Variants in SGCD observed in about 807,000 individuals in gnomAD.
SGCD encodes the protein sarcoglycan delta.
Under a neutral mutation model 36.6 loss-of-function variants are expected in SGCD, and 18 were observed. The ratio of observed to expected loss-of-function variants is 0.49; its 90% CI spans 0.34 to 0.73. The LOEUF (loss-of-function observed/expected upper bound fraction) is 0.73, where lower values mean the gene tolerates loss of function less well. Ranked by LOEUF, SGCD falls within the 30% of genes least tolerant of loss-of-function variation. The pLI, the probability that SGCD is intolerant of heterozygous loss-of-function variation, is 0.01. For missense variants in SGCD, 387 were observed against 346.7 expected, an observed-to-expected ratio of 1.12 and a Z score of -0.92; for synonymous variants, 133 against 130.6, an observed-to-expected ratio of 1.02 and a Z score of -0.12.
intron 1 of SGCD, among the ~76,000 whole-genome samples, chr5:155,956,328 G>T (rs577076735): frequency 6.6e-6 from 1 of 151,986 alleles, no homozygotes; most frequent in African/African-American, 2.4e-5. Context: ...GAAGTTAGGA[G>T]CATTTGTGAC....
chr5:156,384,331 C>T (rs1014934242), intron 3 of SGCD, among the ~76,000 whole-genome samples: 17 of 152,202 alleles, frequency 1.1e-4, no homozygotes, highest in South Asian at 2.1e-4. Context: ...TTCTTTCCTT[C>T]TTTGATTGCC....
intron 3 of SGCD, among the ~76,000 whole-genome samples, chr5:156,409,016 C>T (rs1302401279): frequency 1.3e-5 from 2 of 152,152 alleles, no homozygotes; most frequent in Non-Finnish European, 2.9e-5. Flanking sequence ...AAGACAAAAA[C>T]TAAACAGTAA....
Position 156,342,630 on chromosome 5 carries a change from T to C in SGCD, c.4-1859T>C, listed in dbSNP as rs545768587. Among the ~76,000 whole-genome samples, 25 of 152,358 alleles carry C rather than the reference T, an allele frequency of 1.6e-4. No individual in the cohort carries two copies. In the South Asian group the frequency reaches 5.2e-3, roughly 32 times the overall value. On this transcript the variant is annotated intron_variant, in intron 2 of 8. Coordinates refer to ENST00000337851, the MANE Select transcript of SGCD (RefSeq NM_000337.6). ...ACTTTGTTGTGTTCCCGTCTTCTTA[T>C]AACACATCCCTGATCTGCAGAGGAA... is the stretch of plus-strand genomic sequence containing the variant.
intron 7 of SGCD, among the ~76,000 whole-genome samples, chr5:156,745,576 G>C (rs1447987624): frequency 6.6e-6 from 1 of 152,194 alleles, no homozygotes; most frequent in Non-Finnish European, 1.5e-5. Flanking sequence ...AAGGCACCAT[G>C]AGCAAGAGAG....
In SGCD at chr5:156,241,664, AT is replaced by A. The variant is rs1765311138; in HGVS notation, c.-43-87868del. Among the ~76,000 whole-genome samples the A allele has an allele frequency of 3.3e-5, 5 of 152,252 alleles. No homozygotes were observed. The South Asian group carries it at 8.3e-4, about 25-fold the overall frequency. On this transcript the variant is annotated intron_variant, in intron 3 of 9. Coordinates refer to the SGCD transcript ENST00000517913. ...TCATCTGAGGACTTAACATTCAACAATTGCTAGATTAGGAAATATCCAATTT... is the reference window on the plus strand; with the variant it reads ...TCATCTGAGGACTTAACATTCAACAATGCTAGATTAGGAAATATCCAATTT...
intron 7 of SGCD, among the ~76,000 whole-genome samples, chr5:156,686,044 A>C (rs1753893106): frequency 6.6e-6 from 1 of 152,202 alleles, no homozygotes; most frequent in African/African-American, 2.4e-5. Context: ...TTTTTAAAAA[A>C]CACTTTTGAA....
intron 1 of SGCD, among the ~76,000 whole-genome samples, chr5:156,060,594 T>G (rs975730889): frequency 2.7e-5 from 4 of 145,726 alleles, no homozygotes; most frequent in East Asian, 3.9e-4. Flanking sequence ...CCAAAGAAAT[T>G]TATGTACCTT....
the SGCD span, among the ~76,000 whole-genome samples, chr5:155,752,686 A>T: frequency 6.6e-6 from 1 of 152,180 alleles, no homozygotes; most frequent in African/African-American, 2.4e-5. Flanking sequence ...ATCAGTATTT[A>T]TCTTATAGAA....
chr5:156,037,494 C>T (rs10042735), intron 1 of SGCD, among the ~76,000 whole-genome samples: 786 of 152,302 alleles, frequency 5.2e-3, no homozygotes, highest in Non-Finnish European at 7.0e-3. Context: ...TGTAAGCAGG[C>T]AATTTGGCCT....
chr5:155,767,448 C>T, the SGCD span, among the ~76,000 whole-genome samples: 1 of 152,192 alleles, frequency 6.6e-6, no homozygotes, highest in African/African-American at 2.4e-5. Flanking sequence ...AAACAAACTA[C>T]ATTTTCTGCT....
At position 156,765,885 on chromosome 5, in the gene SGCD, T is replaced by A. The variant is rs1402430507; in HGVS notation, c.*6495T>A. The stretch of plus-strand genomic sequence containing the variant: ...GTAGATGAAGCTATAGAACTTCTAT[T>A]TTCCCTGCTTTCTGTAGTCTCTCAC... On this transcript the variant is annotated 3_prime_UTR_variant, in exon 9 of 9. Coordinates refer to ENST00000337851, the MANE Select transcript of SGCD (RefSeq NM_000337.6). 1.3e-5 allele frequency: 2 copies of A among 152,212 alleles called. No homozygotes were observed. The highest frequency in any genetic ancestry group is 2.9e-5 in the Non-Finnish European group (2 of 68,024). 9.4% of individuals were successfully genotyped at this position (152,212 alleles called of 1,614,324 possible). A position where few individuals can be genotyped will look rare whatever the true frequency, so the allele number is the denominator to read the frequency against.
At chr5:156,330,312 C>T (rs949361745) in intron 2 of SGCD, among the ~76,000 whole-genome samples, 1 of 152,138 alleles carries the variant, frequency 6.6e-6, no homozygotes, top group Non-Finnish European at 1.5e-5. Flanking sequence ...TAAGCCACGT[C>T]TGACGAACGT....
At chr5:156,660,661 TTAA>T (rs1324308038) in intron 7 of SGCD, among the ~76,000 whole-genome samples, 11 of 139,612 alleles carry the variant, frequency 7.9e-5, no homozygotes, top group African/African-American at 2.8e-4. Context: ...TTTAAAAAAT[TTAA>T]AGTATAGAGT....
chr5:156,498,443 C>T (rs1021937976), intron 3 of SGCD, among the ~76,000 whole-genome samples: 14 of 152,176 alleles, frequency 9.2e-5, no homozygotes, highest in Admixed American at 2.6e-4. Context: ...TAGTCTTCTC[C>T]GCCCTAGACA....
chr5:156,529,508 T>G (rs1353538260), intron 4 of SGCD, among the ~76,000 whole-genome samples: 1 of 150,896 alleles, frequency 6.6e-6, no homozygotes, highest in Non-Finnish European at 1.5e-5. Flanking sequence ...CCTATGTTGT[T>G]GGCAAAAAAA....
chr5:155,844,078 C>G, the SGCD span, among the ~76,000 whole-genome samples: 2 of 150,832 alleles, frequency 1.3e-5, no homozygotes. Context: ...CATTTATTTA[C>G]TTCAAAATTT....
chr5:155,853,993 A>G, the SGCD span, among the ~76,000 whole-genome samples: 1 of 152,204 alleles, frequency 6.6e-6, no homozygotes, highest in African/African-American at 2.4e-5. Context: ...AGCCTTCTTC[A>G]TGTACACTTC....
intron 3 of SGCD, among the ~76,000 whole-genome samples, chr5:156,132,750 G>A (rs1223150810): frequency 8.6e-5 from 13 of 151,946 alleles, no homozygotes; most frequent in African/African-American, 3.1e-4. Context: ...TTACAGGCGT[G>A]AGCCACCGCG....
the SGCD span, among the ~76,000 whole-genome samples, chr5:155,826,787 C>A: frequency 6.6e-6 from 1 of 152,246 alleles, no homozygotes; most frequent in African/African-American, 2.4e-5. Flanking sequence ...TTGCTGTTAC[C>A]ATTCCTGGTG....
Sources: gnomAD v4.1 joint callset for allele counts (sites outside exome capture counted in the v4.1 genomes callset) on GRCh38, gnomAD v4.1.1 for gene constraint, MANE v1.5 for transcripts, NCBI Gene and HGNC (gene_info 2026-07-23, HGNC 2026-07-21) for gene names.